Variants in NRXN2 observed in about 807,000 individuals in gnomAD.
NRXN2 encodes neurexin-2-beta.
NRXN2 carries 29 observed loss-of-function variants against 128.8 expected under a neutral mutation model. The observed-to-expected ratio is 0.23, with a 90% confidence interval of 0.17 to 0.31. The LOEUF (loss-of-function observed/expected upper bound fraction) is 0.31, where lower values mean the gene tolerates loss of function less well. NRXN2 is among the 10% of genes least tolerant of loss of function. The probability of loss-of-function intolerance (pLI) is 1.00; values close to 1 mark genes in which losing one functional copy is unlikely to be tolerated. For missense variants in NRXN2, 1,881 were observed against 2,452.6 expected, an observed-to-expected ratio of 0.77 and a Z score of 4.92; for synonymous variants, 1,098 against 1,075.2, an observed-to-expected ratio of 1.02 and a Z score of -0.41.
intron 17 of NRXN2, chr11:64,637,270 G>A (rs1276637566): frequency 6.6e-6 from 1 of 152,272 alleles, no homozygotes; most frequent in Non-Finnish European, 1.5e-5. Flanking sequence ...CCCAGACCCA[G>A]GTGTCCTTTC....
chr11:64,715,762 G>T (rs964701820), intron 1 of NRXN2, among the ~76,000 whole-genome samples: 2 of 152,198 alleles, frequency 1.3e-5, no homozygotes, highest in Admixed American at 1.3e-4. Flanking sequence ...GGGCAGTGGG[G>T]AGGAGATCCA....
intron 22 of NRXN2, among the ~76,000 whole-genome samples, chr11:64,613,414 T>A (rs1203078809): frequency 6.6e-6 from 1 of 152,206 alleles, no homozygotes; most frequent in Non-Finnish European, 1.5e-5. Flanking sequence ...TTCACCAAAC[T>A]CATTTTCCCC....
chr11:64,608,170 A>C, intron 22 of NRXN2, 88 bp from the exon 23 acceptor site: 26 of 1,006,268 alleles, frequency 2.6e-5, no homozygotes, highest in Non-Finnish European at 3.6e-5. Flanking sequence ...CAACAGCCTC[A>C]CACACCCAAA....
At chr11:64,669,303 T>C (rs1410507205) in intron 7 of NRXN2, among the ~76,000 whole-genome samples, 2 of 152,210 alleles carry the variant, frequency 1.3e-5, no homozygotes, top group African/African-American at 2.4e-5. Context: ...TCTTCACTCC[T>C]CAGGTCTCCT....
intron 2 of NRXN2, among the ~76,000 whole-genome samples, chr11:64,698,024 G>A (rs184151000): frequency 2.3e-4 from 35 of 152,276 alleles, no homozygotes; most frequent in Middle Eastern, 3.4e-3. Context: ...CAGTCAGCCA[G>A]TACCCATCAC....
At chr11:64,665,116 AC>A (rs2049632966) in intron 9 of NRXN2, among the ~76,000 whole-genome samples, 2 of 151,292 alleles carry the variant, frequency 1.3e-5, no homozygotes, top group Admixed American at 6.6e-5. Flanking sequence ...CCCCATCTCT[AC>A]TAAAAGTACA....
intron 4 of NRXN2, among the ~76,000 whole-genome samples, chr11:64,690,700 C>T (rs1046205754): frequency 1.3e-5 from 2 of 152,062 alleles, no homozygotes; most frequent in Middle Eastern, 3.2e-3. Flanking sequence ...TCATGATCAC[C>T]GACTTCCACT....
At chr11:64,675,967 A>T (rs2051256724) in intron 7 of NRXN2, 1 of 153,540 alleles carries the variant, frequency 6.5e-6, no homozygotes, top group Non-Finnish European at 1.5e-5. Context: ...ACAGACACCC[A>T]CACCAACACT....
intron 17 of NRXN2, chr11:64,643,145 G>A (rs1431401679): frequency 8.1e-6 from 8 of 981,804 alleles, no homozygotes; most frequent in Non-Finnish European, 9.7e-6. Flanking sequence ...CGAGTGGAGA[G>A]GGAGGGGAGC....
chr11:64,645,217 T>G (rs905853160), intron 17 of NRXN2, among the ~76,000 whole-genome samples: 1 of 151,774 alleles, frequency 6.6e-6, no homozygotes, highest in East Asian at 1.9e-4. Context: ...GGCAGAAAAT[T>G]TATGGTTCCA....
rs1265299162 is a variant in NRXN2 at position 64,606,953 on chromosome 11, C to A, written c.*243G>T. 2 of 557,328 alleles carry A rather than the reference C, an allele frequency of 3.6e-6. No individual in the cohort carries two copies. Among genetic ancestry groups the A allele is most frequent in the Non-Finnish European group, 6.4e-6 (2 of 312,244 alleles). 34.5% of individuals were successfully genotyped at this position (557,328 alleles called of 1,614,324 possible). On this transcript the variant is annotated 3_prime_UTR_variant, in exon 23 of 23. Coordinates refer to ENST00000265459, the MANE Select transcript of NRXN2 (RefSeq NM_015080.4). The stretch of plus-strand genomic sequence containing the variant: ...CCCAGGGCTGTGAGCACGTGCCCTG[C>A]CTGGCAGGCGCAGAGCTGAGAGGGA...
At chr11:64,712,606 G>C in intron 2 of NRXN2, 1 of 429,574 alleles carries the variant, frequency 2.3e-6, no homozygotes. Context: ...TGTCCACGCA[G>C]ACCCCCACCC....
intron 1 of NRXN2, among the ~76,000 whole-genome samples, chr11:64,717,864 T>C (rs961318452): frequency 1.3e-4 from 20 of 152,192 alleles, no homozygotes; most frequent in Admixed American, 5.2e-4. Flanking sequence ...AGGCATTTCT[T>C]TTCCCCTGTG....
At chr11:64,687,447 C>G (rs2053219096) in intron 5 of NRXN2, among the ~76,000 whole-genome samples, 1 of 152,210 alleles carries the variant, frequency 6.6e-6, no homozygotes, top group Non-Finnish European at 1.5e-5. Context: ...AGCTGCTGCC[C>G]CAGAGCCTGG....
At position 64,607,889 on chromosome 11, in the gene NRXN2, G is replaced by A. The variant is rs750222438; in HGVS notation, c.4446C>T (p.Asp1482=). 12 of 1,575,880 alleles carry A rather than the reference G, an allele frequency of 7.6e-6. No individual in the cohort carries two copies. The highest frequency in any genetic ancestry group is 1.7e-4 in the Middle Eastern group (1 of 5,822). The change falls in exon 23 of 23, where the codon GAC becomes GAT. Residue 1482 remains aspartate, a synonymous_variant. Transcript: ENST00000265459. ...CGATGGGCTCCTCGCAGTCGCTGTC[G>A]TCCCGCTCGGCCTGGCACGGGCCCC... The part of the protein sequence containing the change: ...PSGGPCQAER[D]DSDCEEPIEA...
intron 4 of NRXN2, among the ~76,000 whole-genome samples, chr11:64,692,224 A>AAG (rs1387662831): frequency 6.6e-6 from 1 of 152,230 alleles, no homozygotes; most frequent in Non-Finnish European, 1.5e-5. Flanking sequence ...AAACAGGGTT[A>AAG]AGAGACATTC....
intron 19 of NRXN2, 109 bp from the exon 20 acceptor site, chr11:64,626,661 C>T (rs1284818654): frequency 1.5e-5 from 12 of 824,352 alleles, no homozygotes; most frequent in South Asian, 6.7e-5. Context: ...GCAACATCCA[C>T]GGAAAGAGGG....
chr11:64,715,689 A>G (rs2057283946), intron 1 of NRXN2, among the ~76,000 whole-genome samples: 1 of 152,010 alleles, frequency 6.6e-6, no homozygotes, highest in African/African-American at 2.4e-5. Flanking sequence ...TCCCAATCCT[A>G]CAAGGCTCCA....
rs1230511738 is a variant in NRXN2 at position 64,688,504 on chromosome 11, GT to G, written c.850+1900del. On this transcript the variant is annotated intron_variant, in intron 5 of 22. Coordinates refer to ENST00000265459, the MANE Select transcript of NRXN2 (RefSeq NM_015080.4). ...GGAGGGATTCTACTGGGGTGAGCCT[GT>G]AGGGGCGGCGGAGGGGCTCAGCAGA... is the stretch of plus-strand genomic sequence containing the variant. 1.3e-5 allele frequency: 13 copies of G among 985,330 alleles called. No homozygotes were observed. The Admixed American group carries it at 8.0e-4, about 61-fold the overall frequency. 61.0% of individuals were successfully genotyped at this position (985,330 alleles called of 1,614,324 possible).
Sources: gnomAD v4.1 joint callset for allele counts (sites outside exome capture counted in the v4.1 genomes callset) on GRCh38, gnomAD v4.1.1 for gene constraint, MANE v1.5 for transcripts, NCBI Gene and HGNC (gene_info 2026-07-23, HGNC 2026-07-21) for gene names.